KIF1B: variants seen among roughly 807,000 people sequenced by gnomAD.
KIF1B encodes the protein kinesin family member 1B, also known as kinesin-like protein KIF1B.
In KIF1B, 76 loss-of-function variants were observed where a neutral mutation model predicts 241.9. That is an observed-to-expected ratio of 0.31 (90% CI 0.26 to 0.38). The LOEUF (loss-of-function observed/expected upper bound fraction) is 0.38, where lower values mean the gene tolerates loss of function less well. KIF1B is among the 10% of genes least tolerant of loss of function. The pLI, the probability that KIF1B is intolerant of heterozygous loss-of-function variation, is 1.00. For synonymous variants in KIF1B, 750 were observed against 796.7 expected, an observed-to-expected ratio of 0.94 and a Z score of 0.99; for missense variants, 1,622 against 2,271.4, an observed-to-expected ratio of 0.71 and a Z score of 5.81.
chr1:10,380,040 T>G lies in KIF1B; in HGVS notation c.*3453T>G, dbSNP rs994125918. 4.4e-6 allele frequency: 1 copy of G among 228,838 alleles called. No homozygotes were observed. Among genetic ancestry groups the G allele is most frequent in the Non-Finnish European group, 8.7e-6 (1 of 115,112 alleles). The allele number at this position is 228,838 out of a possible 1,614,324, so 14.2% of individuals were successfully genotyped here. A position where few individuals can be genotyped will look rare whatever the true frequency, so the allele number is the denominator to read the frequency against. Reference sequence around the variant, plus strand: ...ATAGACTTCAGACAACTCTCCTATTTTTTATGGATTTTTCAGCTCATTTCA... The same window carrying G: ...ATAGACTTCAGACAACTCTCCTATTGTTTATGGATTTTTCAGCTCATTTCA... On this transcript the variant is annotated 3_prime_UTR_variant, in exon 49 of 49. Coordinates refer to ENST00000676179, the MANE Select transcript of KIF1B (RefSeq NM_001365951.3).
chr1:10,274,439 A>C (rs1401096753), intron 10 of KIF1B, among the ~76,000 whole-genome samples: 1 of 152,206 alleles, frequency 6.6e-6, no homozygotes, highest in Admixed American at 6.5e-5. Flanking sequence ...GAATAAGTAG[A>C]CTTAATAGAA....
intron 1 of KIF1B, chr1:10,230,791 T>A (rs1169855200): frequency 6.6e-6 from 1 of 152,158 alleles, no homozygotes; most frequent in Admixed American, 6.6e-5. Flanking sequence ...TAGTGTTGGC[T>A]TTGTTCTGTT....
At chr1:10,355,475 A>C (rs1469379235) in intron 38 of KIF1B, 1 of 152,422 alleles carries the variant, frequency 6.6e-6, no homozygotes, top group Non-Finnish European at 1.5e-5. Flanking sequence ...TTGCCATTTT[A>C]ATTTTGTAGT....
rs1249840657 is a variant in KIF1B, at chr1:10,381,078, C to G, written c.*4491C>G. On this transcript the variant is annotated 3_prime_UTR_variant, in exon 49 of 49. Transcript: ENST00000676179. ...GGAAAGTCTGAGCTGAGGTTGGTCT[C>G]TTGCCAAACCGTGGCTGTTGTGTGT... 4.5e-6 allele frequency: 1 copy of G among 223,106 alleles called. No individual in the cohort carries two copies. Among genetic ancestry groups the G allele is most frequent in the Non-Finnish European group, 8.9e-6 (1 of 111,746 alleles). The allele number at this position is 223,106 out of a possible 1,614,324, so 13.8% of individuals were successfully genotyped here. A position where few individuals can be genotyped will look rare whatever the true frequency, so the allele number is the denominator to read the frequency against.
At chr1:10,296,751 G>A in intron 20 of KIF1B, 86 bp downstream of exon 20, 1 of 1,391,696 alleles carries the variant, frequency 7.2e-7, no homozygotes, top group Non-Finnish European at 1.0e-6. Context: ...AAAGGCTGAA[G>A]TAATAGTCAG....
intron 38 of KIF1B, among the ~76,000 whole-genome samples, chr1:10,357,886 G>A (rs1638297670): frequency 6.6e-6 from 1 of 151,844 alleles, no homozygotes; most frequent in African/African-American, 2.4e-5. Flanking sequence ...GTGGGCGCCT[G>A]TAATCCCAGC....
At chr1:10,295,022 CTGT>C (rs1650192972) in intron 17 of KIF1B, 61 bp from the exon 18 acceptor site, 3 of 1,058,974 alleles carry the variant, frequency 2.8e-6, no homozygotes, top group Non-Finnish European at 4.5e-6. Flanking sequence ...TTGTAGGCCC[CTGT>C]TGTTACCACA....
At chr1:10,346,827 TG>T (rs1294638250) in intron 35 of KIF1B, among the ~76,000 whole-genome samples, 1 of 152,230 alleles carries the variant, frequency 6.6e-6, no homozygotes, top group African/African-American at 2.4e-5. Context: ...CAGCACTATT[TG>T]GGGCTGGATA....
intron 22 of KIF1B, among the ~76,000 whole-genome samples, chr1:10,316,208 G>A (rs1651297630): frequency 6.7e-6 from 1 of 148,174 alleles, no homozygotes; most frequent in African/African-American, 2.5e-5. Context: ...ACCCCAGCCT[G>A]GGTGACAGAG....
At chr1:10,354,661 A>G (rs1328760218) in intron 38 of KIF1B, among the ~76,000 whole-genome samples, 1 of 152,238 alleles carries the variant, frequency 6.6e-6, no homozygotes, top group Non-Finnish European at 1.5e-5. Flanking sequence ...AATAATAATA[A>G]GTACAACTGG....
chr1:10,342,237 G>A, intron 33 of KIF1B, 69 bp downstream of exon 33: 1 of 976,714 alleles, frequency 1.0e-6, no homozygotes, highest in Non-Finnish European at 1.7e-6. Flanking sequence ...TTGCTGGAAA[G>A]GAAGAAATCT....
intron 5 of KIF1B, among the ~76,000 whole-genome samples, chr1:10,262,921 C>T (rs1453501112): frequency 6.6e-6 from 1 of 151,986 alleles, no homozygotes; most frequent in African/African-American, 2.4e-5. Flanking sequence ...CTGTGTTTAC[C>T]CTGGCTCTTT....
chr1:10,345,142 C>T (rs765204082), intron 34 of KIF1B, among the ~76,000 whole-genome samples: 19 of 151,580 alleles, frequency 1.3e-4, no homozygotes, highest in Admixed American at 5.9e-4. Flanking sequence ...TGCAGTGAGC[C>T]GAGATCACGC....
intron 14 of KIF1B, among the ~76,000 whole-genome samples, chr1:10,280,826 C>T (rs1649373128): frequency 6.6e-6 from 1 of 152,166 alleles, no homozygotes; most frequent in Non-Finnish European, 1.5e-5. Context: ...GCGGCATTTC[C>T]TGAAAGACCA....
intron 1 of KIF1B, among the ~76,000 whole-genome samples, chr1:10,230,235 G>GTT (rs1442964380): frequency 1.3e-5 from 2 of 152,182 alleles, no homozygotes; most frequent in Non-Finnish European, 2.9e-5. Flanking sequence ...CGGTTATGGT[G>GTT]TTGTGTAGTT....
At chr1:10,292,435 T>C (rs1650045589) in intron 17 of KIF1B, 3 of 321,260 alleles carry the variant, frequency 9.3e-6, no homozygotes, top group Non-Finnish European at 1.8e-5. Flanking sequence ...TAACCTAGCG[T>C]ACTTTCAGTT....
chr1:10,333,664 C>G lies in KIF1B; in HGVS notation c.2925-856C>G, dbSNP rs187209818. Among the ~76,000 whole-genome samples the G allele has an allele frequency of 1.0e-3, 158 of 152,104 alleles. 1 individual carries two copies. The highest frequency in any genetic ancestry group is 3.8e-3 in the African/African-American group (157 of 41,504). Reference sequence around the variant, plus strand: ...CCGAGACTGCACCACTGCATTCCAGCCTGGGTGACAGAGTGAGACTCCATC... The same window carrying G: ...CCGAGACTGCACCACTGCATTCCAGGCTGGGTGACAGAGTGAGACTCCATC... On this transcript the variant is annotated intron_variant, in intron 27 of 48. Coordinates refer to ENST00000676179, the MANE Select transcript of KIF1B (RefSeq NM_001365951.3).
intron 1 of KIF1B, among the ~76,000 whole-genome samples, chr1:10,212,987 A>T (rs1646718070): frequency 1.4e-5 from 2 of 148,064 alleles, no homozygotes; most frequent in Admixed American, 1.4e-4. Context: ...TCTTAACACT[A>T]TTTTTTTGTT....
Position 10,356,356 on chromosome 1 carries a change from C to T in KIF1B, c.4055+3620C>T, listed in dbSNP as rs185681190. 4.0e-3 allele frequency among the ~76,000 whole-genome samples: 612 copies of T among 151,954 alleles called. 6 individuals carry two copies. Among genetic ancestry groups the T allele is most frequent in the African/African-American group, 0.014 (592 of 41,456 alleles). On this transcript the variant is annotated intron_variant, in intron 38 of 48. Coordinates refer to ENST00000676179, the MANE Select transcript of KIF1B (RefSeq NM_001365951.3). ...TTCCAGCCTGGGCGACAGAGCGAGA[C>T]TCTGTCTCGAAAAAAAAATACATAA...
Sources: gnomAD v4.1 joint callset for allele counts (sites outside exome capture counted in the v4.1 genomes callset) on GRCh38, gnomAD v4.1.1 for gene constraint, MANE v1.5 for transcripts, NCBI Gene and HGNC (gene_info 2026-07-23, HGNC 2026-07-21) for gene names.